The following ZFPM1 variants were observed in gnomAD, a reference collection of about 807,000 sequenced individuals.
ZFPM1 encodes the protein zinc finger protein, FOG family member 1, also known as zinc finger protein ZFPM1.
In ZFPM1, 28 loss-of-function variants were observed where a neutral mutation model predicts 46.3. That is an observed-to-expected ratio of 0.60 (90% CI 0.45 to 0.83). The LOEUF (loss-of-function observed/expected upper bound fraction) is 0.83. ZFPM1 is among the 40% of genes least tolerant of loss of function. The pLI, the probability that ZFPM1 is intolerant of heterozygous loss-of-function variation, is 0.00. For missense variants in ZFPM1, 1,878 were observed against 1,432.4 expected (o/e 1.31, Z -5.02); for synonymous variants, 957 against 675.9 (o/e 1.42, Z -6.45).
intron 4 of ZFPM1, among the ~76,000 whole-genome samples, chr16:88,522,353 C>T (rs34800551): frequency 6.6e-6 from 1 of 152,182 alleles, no homozygotes; most frequent in Non-Finnish European, 1.5e-5. Context: ...GAAAGACGGG[C>T]TGGGGCCTCA....
At chr16:88,485,908 C>T (rs775219242) in intron 1 of ZFPM1, 31 bp from the exon 2 acceptor site, 1 of 1,608,452 alleles carries the variant, frequency 6.2e-7, no homozygotes, top group Non-Finnish European at 8.5e-7. Context: ...CCCAGAGCTC[C>T]TCCCGAACCC....
intron 3 of ZFPM1, among the ~76,000 whole-genome samples, chr16:88,502,077 T>TCCC (rs1910389759): frequency 4.1e-5 from 5 of 123,308 alleles, no homozygotes; most frequent in African/African-American, 1.6e-4. Context: ...TTTATTTATT[T>TCCC]ATTTATTTAT....
intron 3 of ZFPM1, 47 bp downstream of exon 3, chr16:88,489,200 C>T: frequency 1.9e-6 from 3 of 1,541,966 alleles, no homozygotes; most frequent in South Asian, 1.2e-5. Flanking sequence ...CCCGGGCAGC[C>T]TGGCCCGGCC....
At chr16:88,493,394 A>AAGCTGTCCCG (rs1909725024) in intron 3 of ZFPM1, among the ~76,000 whole-genome samples, 10 of 50,962 alleles carry the variant, frequency 2.0e-4, no homozygotes, top group Admixed American at 3.7e-4. Context: ...GAGCTGTCCC[A>AAGCTGTCCCG]GGGTGCAGGA....
chr16:88,532,487 T>C (rs1597289531), intron 7 of ZFPM1, 127 bp from the exon 8 acceptor site: 2 of 1,007,980 alleles, frequency 2.0e-6, no homozygotes, highest in Middle Eastern at 2.3e-4. Flanking sequence ...GGAGGAGGGG[T>C]TTAAAGACCC....
intron 1 of ZFPM1, among the ~76,000 whole-genome samples, chr16:88,472,648 G>A (rs1597234111): frequency 1.3e-5 from 2 of 152,156 alleles, no homozygotes; most frequent in Admixed American, 6.5e-5. Flanking sequence ...CACTGCGCCC[G>A]GCCTGAATTT....
chr16:88,534,145 C>T lies in ZFPM1; in HGVS notation c.2187C>T (p.Pro729=), dbSNP rs1913062421. 3.0e-6 allele frequency: 3 copies of T among 1,006,454 alleles called. No individual in the cohort carries two copies. The highest frequency in any genetic ancestry group is 1.8e-5 in the African/African-American group (1 of 56,774). 62.3% of individuals were successfully genotyped at this position (1,006,454 alleles called of 1,614,324 possible). A position where few individuals can be genotyped will look rare whatever the true frequency, so the allele number is the denominator to read the frequency against. ...APPGPPGPAA[P]PAPSPAAPVR... ...CGGGACCCCCTGGGCCGGCCGCGCC[C>T]CCGGCCCCCTCTCCCGCCGCGCCTG... Residue 729 remains proline, a synonymous_variant, in exon 10 of 10, where the codon CCC becomes CCT. Coordinates refer to ENST00000319555, the MANE Select transcript of ZFPM1 (RefSeq NM_153813.3).
chr16:88,482,949 G>A (rs1185533078), intron 1 of ZFPM1, among the ~76,000 whole-genome samples: 3 of 152,236 alleles, frequency 2.0e-5, no homozygotes, highest in Admixed American at 1.3e-4. Flanking sequence ...GGAGGCCTCG[G>A]TGGCTGCTTT....
At chr16:88,518,686 T>C (rs957701048) in intron 4 of ZFPM1, among the ~76,000 whole-genome samples, 1 of 146,036 alleles carries the variant, frequency 6.8e-6, no homozygotes, top group African/African-American at 2.6e-5. Context: ...GGTGGGTGGA[T>C]GGATGGGTGG....
At chr16:88,506,922 C>T (rs1452097401) in intron 3 of ZFPM1, among the ~76,000 whole-genome samples, 1 of 152,254 alleles carries the variant, frequency 6.6e-6, no homozygotes, top group East Asian at 1.9e-4. Flanking sequence ...TCCCTTCTCG[C>T]TAGCGCATGT....
chr16:88,518,331 G>C (rs1392337422), intron 4 of ZFPM1, among the ~76,000 whole-genome samples: 2 of 151,948 alleles, frequency 1.3e-5, no homozygotes, highest in African/African-American at 4.8e-5. Flanking sequence ...ATGGGTGGAT[G>C]GATGAGTGGG....
At position 88,497,893 on chromosome 16, in the gene ZFPM1, T is replaced by C. The variant is rs968459; in HGVS notation, c.268+8740T>C. ...GAGCGTCTACGCAAACCTCAAGGCC[T>C]GCTATCGGGTGGAGGCTGAGGCGGG... On this transcript the variant is annotated intron_variant, in intron 3 of 9. Transcript: ENST00000319555. The surrounding 1 kb of genome is among the most constrained non-coding windows in gnomAD (Gnocchi z 5.4). Among the ~76,000 whole-genome samples, 30,888 of 152,120 alleles carry C rather than the reference T, an allele frequency of 0.2. 3,284 individuals are homozygous for C. Among genetic ancestry groups the C allele is most frequent in the East Asian group, 0.28 (1,464 of 5,138 alleles).
chr16:88,534,475 G>T lies in ZFPM1; in HGVS notation c.2517G>T (p.Ser839=). ...LEAYLAHKKY[S]CPAAPPPGAL... is the part of the protein sequence containing the mutation. Reference sequence around the variant, plus strand: ...CCTACCTGGCGCACAAGAAGTACTCGTGCCCCGCTGCGCCACCGCCCGGCG... The same window carrying T: ...CCTACCTGGCGCACAAGAAGTACTCTTGCCCCGCTGCGCCACCGCCCGGCG... The change falls in exon 10 of 10, where the codon TCG becomes TCT. Residue 839 remains serine, a synonymous_variant. Transcript: ENST00000319555. 1 of 1,485,140 alleles carries T rather than the reference G, an allele frequency of 6.7e-7. No individual in the cohort carries two copies. The highest frequency in any genetic ancestry group is 8.9e-7 in the Non-Finnish European group (1 of 1,124,200). 92.0% of individuals were successfully genotyped at this position (1,485,140 alleles called of 1,614,324 possible). A position where few individuals can be genotyped will look rare whatever the true frequency, so the allele number is the denominator to read the frequency against.
chr16:88,502,826 C>T (rs1486078521), intron 3 of ZFPM1, among the ~76,000 whole-genome samples: 1 of 152,252 alleles, frequency 6.6e-6, no homozygotes, highest in African/African-American at 2.4e-5. Flanking sequence ...CACGTTTCTT[C>T]CAGAGAAGGA....
intron 4 of ZFPM1, chr16:88,516,522 G>A: frequency 2.5e-6 from 1 of 398,662 alleles, no homozygotes; most frequent in Non-Finnish European, 4.4e-6. Flanking sequence ...TTTATCTCCT[G>A]CAGAATTAAA....
At chr16:88,461,469 G>C (rs1238173276) in intron 1 of ZFPM1, among the ~76,000 whole-genome samples, 1 of 152,186 alleles carries the variant, frequency 6.6e-6, no homozygotes, top group East Asian at 1.9e-4. Flanking sequence ...TCCTGGCCTG[G>C]CCTTGCTGTG....
chr16:88,460,947 G>C lies in ZFPM1; in HGVS notation c.40+7269G>C, dbSNP rs553475493. ...CGGGGCGGGAGGCCTGGTGATGACC[G>C]AGGGGCGGGGCGGGAGGCCTGGTGA... On this transcript the variant is annotated intron_variant, in intron 1 of 9. Coordinates refer to ENST00000319555, the MANE Select transcript of ZFPM1 (RefSeq NM_153813.3). 5.3e-3 allele frequency among the ~76,000 whole-genome samples: 461 copies of C among 87,606 alleles called. 54 individuals are homozygous for C. The highest frequency in any genetic ancestry group is 0.019 in the African/African-American group (292 of 15,728). 57.5% of individuals were successfully genotyped at this position (87,606 alleles called of 152,430 possible). A position where few individuals can be genotyped will look rare whatever the true frequency, so the allele number is the denominator to read the frequency against.
intron 3 of ZFPM1, among the ~76,000 whole-genome samples, chr16:88,502,613 A>AC (rs1284138591): frequency 4.0e-5 from 6 of 150,826 alleles, no homozygotes; most frequent in South Asian, 2.1e-4. Flanking sequence ...GGCCTTGGTG[A>AC]CCCCCCCTAG....
At chr16:88,523,820 G>A (rs906971614) in intron 4 of ZFPM1, among the ~76,000 whole-genome samples, 1 of 152,198 alleles carries the variant, frequency 6.6e-6, no homozygotes, top group Non-Finnish European at 1.5e-5. Context: ...GGTGCCGGAT[G>A]GGAGCCTCAC....
Sources: allele counts gnomAD v4.1 joint callset (sites outside exome capture counted in the v4.1 genomes callset), GRCh38; gene constraint gnomAD v4.1.1; non-coding constraint Gnocchi (gnomAD v3.1); transcripts MANE v1.5; gene names NCBI Gene and HGNC (gene_info 2026-07-23, HGNC 2026-07-21).